Variants in GAS7 observed in about 807,000 individuals in gnomAD.
GAS7 encodes growth arrest-specific protein 7.
GAS7 carries 28 observed loss-of-function variants against 71.1 expected under a neutral mutation model. The ratio of observed to expected loss-of-function variants is 0.39; its 90% CI spans 0.29 to 0.54. GAS7 has a LOEUF of 0.54. Ranked by LOEUF, GAS7 falls within the 20% of genes least tolerant of loss-of-function variation. The pLI, the probability that GAS7 is intolerant of heterozygous loss-of-function variation, is 0.62. For missense variants in GAS7, 436 were observed against 627.8 expected (o/e 0.69, Z 3.27); for synonymous variants, 258 against 245.8 (o/e 1.05, Z -0.46).
In GAS7 at chr17:9,916,623, G is replaced by C; in HGVS notation, c.*605C>G. 3.5e-6 allele frequency: 1 copy of C among 288,232 alleles called. No individual in the cohort carries two copies. The highest frequency in any genetic ancestry group is 2.1e-5 in the African/African-American group (1 of 47,066). The allele number at this position is 288,232 out of a possible 1,614,324, so 17.9% of individuals were successfully genotyped here. A position where few individuals can be genotyped will look rare whatever the true frequency, so the allele number is the denominator to read the frequency against. On this transcript the variant is annotated 3_prime_UTR_variant, in exon 14 of 14. Transcript: ENST00000432992. ...CCATCCTGACCTCTCCAGGCATGGTGGGTCTGGGAAGACAGGAGCCAAGCC... is the reference window on the plus strand; with the variant it reads ...CCATCCTGACCTCTCCAGGCATGGTCGGTCTGGGAAGACAGGAGCCAAGCC...
intron 1 of GAS7, among the ~76,000 whole-genome samples, chr17:10,076,534 A>C (rs9909508): frequency 0.051 from 7,692 of 152,170 alleles, 680 homozygotes; most frequent in African/African-American, 0.18. Flanking sequence ...CGGCTGACAT[A>C]TTCATACATT....
intron 1 of GAS7, among the ~76,000 whole-genome samples, chr17:10,111,551 AC>A (rs143022555): frequency 0.5 from 73,978 of 146,846 alleles, 18,940 homozygotes; most frequent in Admixed American, 0.55. Context: ...AAACAAACAA[AC>A]AAACAAAAAA....
chr17:9,987,670 C>T lies in GAS7; in HGVS notation c.305-5786G>A, dbSNP rs1422973015. Among the ~76,000 whole-genome samples, 3 of 152,168 alleles carry T rather than the reference C, an allele frequency of 2.0e-5. No homozygotes were observed. In the East Asian group the frequency reaches 5.8e-4, roughly 29 times the overall value. On this transcript the variant is annotated intron_variant, in intron 2 of 13. Transcript: ENST00000432992. Reference sequence around the variant, plus strand: ...ATGAATAATTTGTAAAGTGAGAGACCAGTTGAAAGCTTGAAGACTATGTAA... The same window carrying T: ...ATGAATAATTTGTAAAGTGAGAGACTAGTTGAAAGCTTGAAGACTATGTAA...
chr17:10,125,025 T>C (rs376490080), intron 1 of GAS7, among the ~76,000 whole-genome samples: 19 of 146,362 alleles, frequency 1.3e-4, no homozygotes, highest in Non-Finnish European at 2.4e-4. Flanking sequence ...CAAAAAGATA[T>C]CATCACAAGG....
At chr17:10,172,923 C>A (rs78587506) in intron 1 of GAS7, among the ~76,000 whole-genome samples, 12,180 of 152,268 alleles carry the variant, frequency 0.08, 568 homozygotes, top group Admixed American at 0.17. Flanking sequence ...AACATGGGAA[C>A]TAGCCAAGTG....
intron 1 of GAS7, among the ~76,000 whole-genome samples, chr17:10,171,040 C>T (rs986146648): frequency 3.9e-5 from 6 of 152,214 alleles, no homozygotes; most frequent in Non-Finnish European, 8.8e-5. Context: ...CCTCCTAACT[C>T]CCAGGCACCA....
intron 1 of GAS7, among the ~76,000 whole-genome samples, chr17:10,118,777 C>T (rs1471679398): frequency 6.6e-6 from 1 of 151,428 alleles, no homozygotes; most frequent in Non-Finnish European, 1.5e-5. Context: ...GTGGTCCTAC[C>T]CCCGGGGCCC....
At chr17:10,032,141 T>C (rs931193612) in intron 1 of GAS7, among the ~76,000 whole-genome samples, 1 of 151,950 alleles carries the variant, frequency 6.6e-6, no homozygotes, top group African/African-American at 2.4e-5. Flanking sequence ...CCCTACATTT[T>C]GTTCCATTTC....
intron 1 of GAS7, among the ~76,000 whole-genome samples, chr17:10,046,828 GGAAGGAAGGAAGGAAGGAAA>G (rs1289236069): frequency 2.1e-5 from 2 of 96,238 alleles, no homozygotes; most frequent in African/African-American, 5.6e-5. Flanking sequence ...AAGGAAGGAA[GGAAGGAAGGAAGGAAGGAAA>G]GAAAAGAAAA....
chr17:9,927,876 A>G (rs1254079223), intron 9 of GAS7, among the ~76,000 whole-genome samples: 1 of 152,180 alleles, frequency 6.6e-6, no homozygotes, highest in Non-Finnish European at 1.5e-5. Context: ...CATTGCGCTC[A>G]TAAAGACATT....
At position 10,016,755 on chromosome 17, in the gene GAS7, AATAATAATAATAATAAT is replaced by A. The variant is rs2072037870; in HGVS notation, c.304+3005_304+3021del. Among the ~76,000 whole-genome samples the A allele has an allele frequency of 7.0e-3, 72 of 10,358 alleles. 1 individual carries two copies. In the African/African-American group the frequency reaches 0.11, roughly 16 times the overall value. The allele number at this position is 10,358 out of a possible 152,430, so 6.8% of individuals were successfully genotyped here. ...ATGGCAAAACATCTCTACAAAAAATAATAATAATAATAATAATAATAATAATAATAATAATAATAATA... is the reference window on the plus strand; with the variant it reads ...ATGGCAAAACATCTCTACAAAAAATAAATAATAATAATAATAATAATAATA... On this transcript the variant is annotated intron_variant, in intron 2 of 13. Transcript: ENST00000432992.
chr17:9,999,114 C>T (rs2071160788), intron 2 of GAS7, among the ~76,000 whole-genome samples: 1 of 152,206 alleles, frequency 6.6e-6, no homozygotes, highest in African/African-American at 2.4e-5. Flanking sequence ...TATGCATCAA[C>T]TTTTTGTTGC....
intron 1 of GAS7, among the ~76,000 whole-genome samples, chr17:10,098,572 T>C (rs1442162131): frequency 6.6e-6 from 1 of 152,228 alleles, no homozygotes; most frequent in Non-Finnish European, 1.5e-5. Context: ...AGTGGGATTA[T>C]ATGCTACAAT....
chr17:10,166,969 C>A (rs1011294598), intron 1 of GAS7, among the ~76,000 whole-genome samples: 6 of 149,948 alleles, frequency 4.0e-5, no homozygotes, highest in South Asian at 4.3e-4. Flanking sequence ...TCTGGGACTT[C>A]ACTCTGCCAC....
At chr17:9,955,846 C>G (rs1340887725) in intron 5 of GAS7, among the ~76,000 whole-genome samples, 2 of 152,174 alleles carry the variant, frequency 1.3e-5, no homozygotes, top group African/African-American at 4.8e-5. Flanking sequence ...TTCGCTCTTG[C>G]ACCAACTCTG....
At chr17:9,932,911 G>A (rs1029110992) in intron 9 of GAS7, among the ~76,000 whole-genome samples, 1 of 152,138 alleles carries the variant, frequency 6.6e-6, no homozygotes. Flanking sequence ...GGTGGCTCAC[G>A]CCTATAATCC....
chr17:10,019,787 C>G lies in GAS7; in HGVS notation c.294G>C (p.Thr98=). The G allele has an allele frequency of 1.9e-6, 3 of 1,613,672 alleles. No individual in the cohort carries two copies. Among genetic ancestry groups the G allele is most frequent in the Non-Finnish European group, 2.5e-6 (3 of 1,179,834 alleles). The change falls in exon 2 of 14, where the codon ACG becomes ACC. Residue 98 remains threonine (T), a synonymous_variant. Coordinates refer to ENST00000432992, the MANE Select transcript of GAS7 (RefSeq NM_201433.2). Reference sequence around the variant, plus strand: ...CCGAGCGGGACTCACCATTGGTGGTCGTGTTGACATAGTACCGCCGGCCCT... The same window carrying G: ...CCGAGCGGGACTCACCATTGGTGGTGGTGTTGACATAGTACCGCCGGCCCT... ...SPQGRRYYVN[T]TTNETTWERP... is the part of the protein sequence containing the mutation.
At chr17:10,156,672 A>G (rs1178758084) in intron 1 of GAS7, among the ~76,000 whole-genome samples, 4 of 152,186 alleles carry the variant, frequency 2.6e-5, no homozygotes, top group African/African-American at 9.6e-5. Context: ...ATGAAGGTTC[A>G]TGAGGAAAGC....
intron 5 of GAS7, among the ~76,000 whole-genome samples, chr17:9,958,371 C>T (rs2152111602): frequency 6.6e-6 from 1 of 152,278 alleles, no homozygotes; most frequent in East Asian, 1.9e-4. Context: ...ACTTTTTCTC[C>T]CAAAGCAGGA....
Sources: allele counts gnomAD v4.1 joint callset (sites outside exome capture counted in the v4.1 genomes callset), GRCh38; gene constraint gnomAD v4.1.1; transcripts MANE v1.5; gene names NCBI Gene and HGNC (gene_info 2026-07-23, HGNC 2026-07-21).